RBM4: variants seen among roughly 807,000 people sequenced by gnomAD.
RBM4 encodes RNA-binding protein 4.
A neutral mutation model predicts 29.5 loss-of-function variants in RBM4; 7 were observed. The ratio of observed to expected loss-of-function variants is 0.24; its 90% CI spans 0.14 to 0.45. The LOEUF is 0.45. RBM4 is among the 20% of genes least tolerant of loss of function. RBM4 has a pLI of 1.00. For missense variants in RBM4, 387 were observed against 502.3 expected, an observed-to-expected ratio of 0.77 and a Z score of 2.19; for synonymous variants, 220 against 205.4, an observed-to-expected ratio of 1.07 and a Z score of -0.61.
rs1048874927 is a variant in RBM4 at position 66,640,426 on chromosome 11, T to C, written c.412+303T>C. ...CTGAGTTACTGGGCCTTTTTTATTT[T>C]TTATTTTTTTGTAGTAGAGCACAGT... On this transcript the variant is annotated intron_variant, in intron 2 of 3. Transcript: ENST00000310092. 5 of 526,334 alleles carry C rather than the reference T, an allele frequency of 9.5e-6. No individual in the cohort carries two copies. In the East Asian group the frequency reaches 1.5e-4, roughly 16 times the overall value. 32.6% of individuals were successfully genotyped at this position (526,334 alleles called of 1,614,324 possible).
exon 3 of RBM4, chr11:66,665,934 T>A: frequency 6.5e-7 from 1 of 1,535,242 alleles, no homozygotes; most frequent in Non-Finnish European, 8.7e-7. Context: ...TGCAATTTAA[T>A]TTTGGAGTCC....
At chr11:66,664,252 G>A (rs1190757329) in intron 2 of RBM4, among the ~76,000 whole-genome samples, 1 of 144,656 alleles carries the variant, frequency 6.9e-6, no homozygotes, top group Non-Finnish European at 1.5e-5. Context: ...CTGGGATCAA[G>A]CAATTCTCCT....
At chr11:66,666,988 C>G (rs1427869707) in exon 3 of RBM4, 1 of 151,800 alleles carries the variant, frequency 6.6e-6, no homozygotes, top group Admixed American at 6.6e-5. Context: ...CAGTCTCTCA[C>G]TCCTGGGCTC....
intron 2 of RBM4, among the ~76,000 whole-genome samples, chr11:66,657,170 A>G (rs1565087052): frequency 2.2e-5 from 3 of 137,868 alleles, no homozygotes; most frequent in African/African-American, 2.8e-5. Context: ...GCTGGAGTAC[A>G]GTGGTATGAG....
downstream of RBM4, among the ~76,000 whole-genome samples, chr11:66,647,952 C>G (rs1253910357): frequency 6.6e-6 from 1 of 152,156 alleles, no homozygotes; most frequent in African/African-American, 2.4e-5. Flanking sequence ...CGCCTGTAAT[C>G]TCAGCGCTTT....
chr11:66,650,149 G>A (rs1938793178), downstream of RBM4, among the ~76,000 whole-genome samples: 1 of 152,200 alleles, frequency 6.6e-6, no homozygotes, highest in South Asian at 2.1e-4. Flanking sequence ...GGGTGGGAAT[G>A]GTCATACTAT....
chr11:66,663,194 G>A (rs1939117410), intron 2 of RBM4, among the ~76,000 whole-genome samples: 4 of 152,108 alleles, frequency 2.6e-5, no homozygotes, highest in Admixed American at 2.6e-4. Context: ...TAAATAAGAT[G>A]TCCATAATCT....
At chr11:66,647,866 G>C (rs1220422329), downstream of RBM4, among the ~76,000 whole-genome samples, 6 of 152,132 alleles carry the variant, frequency 3.9e-5, no homozygotes, top group African/African-American at 1.4e-4. Context: ...GAAGTGACAT[G>C]ATAAACATGG....
chr11:66,665,670 G>T, intron 2 of RBM4: 1 of 1,496,664 alleles, frequency 6.7e-7, no homozygotes, highest in South Asian at 1.3e-5. Context: ...CCTGTATTCC[G>T]GGGGGAAAAA....
intron 2 of RBM4, among the ~76,000 whole-genome samples, chr11:66,655,625 G>GCTCATTGCTAATTGA (rs1342933039): frequency 6.6e-6 from 1 of 152,206 alleles, no homozygotes; most frequent in Admixed American, 6.5e-5. Flanking sequence ...AGTTGAATTA[G>GCTCATTGCTAATTGA]ATGTAAGTTA....
chr11:66,659,331 C>T (rs540965158), intron 2 of RBM4, among the ~76,000 whole-genome samples: 30 of 129,014 alleles, frequency 2.3e-4, no homozygotes, highest in African/African-American at 8.1e-4. Flanking sequence ...AGTGCAGTGG[C>T]GCGATCTCGG....
chr11:66,658,337 C>CTTTTTTTTTTTTTTTT (rs35133059), intron 2 of RBM4, among the ~76,000 whole-genome samples: 6 of 50,458 alleles, frequency 1.2e-4, no homozygotes, highest in Admixed American at 7.9e-4. Context: ...CTAGTCTGAC[C>CTTTTTTTTTTTTTTTT]TTTTTTTTTT....
intron 2 of RBM4, among the ~76,000 whole-genome samples, chr11:66,662,654 C>T (rs1439139093): frequency 6.6e-6 from 1 of 152,194 alleles, no homozygotes; most frequent in Non-Finnish European, 1.5e-5. Flanking sequence ...CCACCTGCCT[C>T]AGCCTCCCAA....
chr11:66,653,186 T>C (rs1260997499), intron 2 of RBM4, among the ~76,000 whole-genome samples: 2 of 152,130 alleles, frequency 1.3e-5, no homozygotes, highest in Non-Finnish European at 2.9e-5. Context: ...CTTTGTACAG[T>C]TGACCATTGA....
intron 2 of RBM4, among the ~76,000 whole-genome samples, chr11:66,661,902 C>T (rs758948813): frequency 3.9e-5 from 6 of 152,086 alleles, no homozygotes; most frequent in African/African-American, 7.2e-5. Flanking sequence ...TGGTGGCGCG[C>T]GACTGTGATC....
Position 66,666,040 on chromosome 11 carries a change from A to C in RBM4, c.*75A>C, listed in dbSNP as rs986170135. ...CTTTCACAGTAAACAAGCTTTCAGA[A>C]ATGATGGTCACAAGGGGTAGGATAT... On this transcript the variant is annotated 3_prime_UTR_variant, in exon 3 of 3. Coordinates refer to the RBM4 transcript ENST00000396053. 3.2e-5 allele frequency: 41 copies of C among 1,288,570 alleles called. No homozygotes were observed. In the African/African-American group the frequency reaches 5.3e-4, roughly 17 times the overall value. 79.8% of individuals were successfully genotyped at this position (1,288,570 alleles called of 1,614,324 possible).
In RBM4 at chr11:66,640,289, A is replaced by T. The variant is rs759336138; in HGVS notation, c.412+166A>T. 33 of 923,772 alleles carry T rather than the reference A, an allele frequency of 3.6e-5. No homozygotes were observed. In the East Asian group the frequency reaches 5.6e-4, roughly 16 times the overall value. The allele number at this position is 923,772 out of a possible 1,614,324, so 57.2% of individuals were successfully genotyped here. A position where few individuals can be genotyped will look rare whatever the true frequency, so the allele number is the denominator to read the frequency against. ...TTATGATGTAGAATGCATGGGACTT[A>T]GGGGCTTTACCTTAGGCAAATGTCT... On this transcript the variant is annotated intron_variant, in intron 2 of 3. Transcript: ENST00000310092.
chr11:66,666,357 G>C, exon 3 of RBM4: 1 of 1,010,622 alleles, frequency 9.9e-7, no homozygotes, highest in Non-Finnish European at 1.2e-6. Flanking sequence ...TGACGTTCTT[G>C]GATCAGTTCT....
chr11:66,653,641 T>C (rs1039724461), intron 2 of RBM4, among the ~76,000 whole-genome samples: 10 of 152,220 alleles, frequency 6.6e-5, no homozygotes, highest in South Asian at 4.1e-4. Flanking sequence ...GGATTACAGG[T>C]GTGACCCACC....
Sources: gnomAD v4.1 joint callset for allele counts (sites outside exome capture counted in the v4.1 genomes callset) on GRCh38, gnomAD v4.1.1 for gene constraint, MANE v1.5 for transcripts, NCBI Gene and HGNC (gene_info 2026-07-23, HGNC 2026-07-21) for gene names.